The following TTN variants were observed in gnomAD, a reference collection of about 807,000 sequenced individuals.
TTN encodes the protein connectin.
Under a neutral mutation model 3,223.0 loss-of-function variants are expected in TTN, and 1,525 were observed. The observed-to-expected ratio is 0.47, with a 90% CI of 0.45 to 0.49. TTN has a LOEUF of 0.49. TTN is among the 20% of genes least tolerant of loss of function. The pLI, the probability that TTN is intolerant of heterozygous loss-of-function variation, is 0.00. For synonymous variants in TTN, 14,094 were observed against 15,161.0 expected (o/e 0.93, Z 5.17); for missense variants, 40,786 against 43,424.0 (o/e 0.94, Z 5.40).
chr2:178,700,448 C>T (rs1043315657), intron 111 of TTN, among the ~76,000 whole-genome samples: 4 of 152,122 alleles, frequency 2.6e-5, no homozygotes, highest in Non-Finnish European at 5.9e-5. Flanking sequence ...TTTTTTCTGA[C>T]CATGCTGGGA....
intron 2 of TTN, among the ~76,000 whole-genome samples, chr2:178,803,612 AATTTT>A (rs1053126034): frequency 8.5e-5 from 13 of 152,054 alleles, no homozygotes; most frequent in African/African-American, 3.1e-4. Context: ...GAAAAAAAGA[AATTTT>A]ATTTTATATC....
intron 15 of TTN, among the ~76,000 whole-genome samples, chr2:178,785,075 T>C (rs914367669): frequency 6.6e-6 from 1 of 152,218 alleles, no homozygotes; most frequent in Non-Finnish European, 1.5e-5. Context: ...TACTTTCTCC[T>C]GATGACAGAG....
Position 178,599,286 on chromosome 2 carries a change from G to A in TTN, c.56507C>T (p.Ser18836Phe). The change falls in exon 290 of 363, where the codon TCC becomes TTC. Residue 18836 changes from serine to phenylalanine, a missense_variant. By Grantham distance (155) the Ser-to-Phe change is radical. Coordinates refer to ENST00000589042, the MANE Select transcript of TTN (RefSeq NM_001267550.2). ...EANRKTWVHV[S>F]SEPKECTYTI... ...GTACGTGCACTCCTTAGGTTCACTGGAGACATGGACCCATGTCTTCCTGTT... is the reference window on the plus strand; with the variant it reads ...GTACGTGCACTCCTTAGGTTCACTGAAGACATGGACCCATGTCTTCCTGTT... 6.2e-7 allele frequency: 1 copy of A among 1,602,588 alleles called. No individual in the cohort carries two copies. The highest frequency in any genetic ancestry group is 8.5e-7 in the Non-Finnish European group (1 of 1,176,124).
chr2:178,688,607 A>C (rs1577440230), intron 126 of TTN, 70 bp downstream of exon 126: 1 of 1,039,624 alleles, frequency 9.6e-7, no homozygotes, highest in East Asian at 2.4e-5. Flanking sequence ...AAACAATCAC[A>C]TGTGGAAGAA....
chr2:178,626,051 T>C (rs1377570646), intron 240 of TTN, among the ~76,000 whole-genome samples: 1 of 151,892 alleles, frequency 6.6e-6, no homozygotes, highest in East Asian at 1.9e-4. Context: ...GCCCCTGGGC[T>C]TATATACATA....
At chr2:178,736,954 T>C (rs1008893220) in intron 49 of TTN, among the ~76,000 whole-genome samples, 1 of 152,080 alleles carries the variant, frequency 6.6e-6, no homozygotes, top group African/African-American at 2.4e-5. Flanking sequence ...CCCTTCCCCT[T>C]GATATTCTCA....
At chr2:178,686,651 G>C (rs900730646) in intron 127 of TTN, among the ~76,000 whole-genome samples, 1 of 152,012 alleles carries the variant, frequency 6.6e-6, no homozygotes, top group Non-Finnish European at 1.5e-5. Flanking sequence ...CTGTGCTCAA[G>C]CAATCCTCCC....
rs760403390 is a variant in TTN, at chr2:178,631,314, A to G, written c.43748-14T>C. The G allele has an allele frequency of 2.6e-5, 41 of 1,592,156 alleles. No homozygotes were observed. Among genetic ancestry groups the G allele is most frequent in the Non-Finnish European group, 3.3e-5 (39 of 1,173,370 alleles). On this transcript the variant is annotated splice_polypyrimidine_tract_variant and intron_variant, in intron 236 of 362. Transcript: ENST00000589042. ...ATGGGTCTCCCTCTGCAAGTAAAGT[A>G]TAAGTGAAAAGCTTTTATTAATCAC...
In TTN at chr2:178,608,395, A is replaced by T. The variant is rs1227243648; in HGVS notation, c.52488T>A (p.Asp17496Glu). Reference sequence around the variant, plus strand: ...AGTAACCCAAAATGGGGCTTCCATTATCTTTTGGTTCATTCCATTTCACTA... The same window carrying T: ...AGTAACCCAAAATGGGGCTTCCATTTTCTTTTGGTTCATTCCATTTCACTA... ...SMLVKWNEPKDNGSPILGYWL... is the reference protein window; with the variant it reads ...SMLVKWNEPKENGSPILGYWL... Residue 17496 changes from aspartate to glutamate, a missense_variant, in exon 275 of 363, where the codon GAT becomes GAA. Transcript: ENST00000589042. 1.9e-6 allele frequency: 3 copies of T among 1,610,604 alleles called. No individual in the cohort carries two copies. The highest frequency in any genetic ancestry group is 2.5e-6 in the Non-Finnish European group (3 of 1,178,326).
intron 143 of TTN, 109 bp downstream of exon 143, chr2:178,678,638 T>A: frequency 1.7e-6 from 2 of 1,165,388 alleles, no homozygotes; most frequent in Non-Finnish European, 2.4e-6. Context: ...ATAAAATATT[T>A]AATTTTCTCT....
chr2:178,612,026 G>A (rs768316337), intron 267 of TTN, 31 bp downstream of exon 267: 3 of 1,603,202 alleles, frequency 1.9e-6, no homozygotes, highest in Non-Finnish European at 8.5e-7. Context: ...CCAAGTGTAA[G>A]TTATTCTTTA....
At chr2:178,738,486 A>T in intron 48 of TTN, 126 bp from the exon 49 acceptor site, 1 of 1,157,832 alleles carries the variant, frequency 8.6e-7, no homozygotes, top group Non-Finnish European at 1.2e-6. Flanking sequence ...GGATTACAGC[A>T]GTTTAAGGCA....
chr2:178,550,889 T>C lies in TTN; in HGVS notation c.91564+78A>G. 5 of 1,383,342 alleles carry C rather than the reference T, an allele frequency of 3.6e-6. No individual in the cohort carries two copies. The South Asian group carries it at 5.3e-5, about 15-fold the overall frequency. 85.7% of individuals were successfully genotyped at this position (1,383,342 alleles called of 1,614,324 possible). A position where few individuals can be genotyped will look rare whatever the true frequency, so the allele number is the denominator to read the frequency against. Reference sequence around the variant, plus strand: ...GGGTAATTTGTTTCTGTTACCATTTTACAGGCCAGGGGCCAAATGTGTTTT... The same window carrying C: ...GGGTAATTTGTTTCTGTTACCATTTCACAGGCCAGGGGCCAAATGTGTTTT... On this transcript the variant is annotated intron_variant, in intron 336 of 362. Transcript: ENST00000589042.
intron 349 of TTN, 24 bp downstream of exon 349, chr2:178,542,240 T>A (rs1189763649): frequency 6.3e-7 from 1 of 1,579,096 alleles, no homozygotes; most frequent in Admixed American, 1.7e-5. Flanking sequence ...GTGGGGAGAG[T>A]GGTGGAAGGG....
rs553821887 is a variant in TTN, at chr2:178,539,514, G to A, written c.98551C>T (p.Arg32851Ter). 4.3e-6 allele frequency: 7 copies of A among 1,613,600 alleles called. No homozygotes were observed. The highest frequency in any genetic ancestry group is 1.1e-5 in the South Asian group (1 of 91,066). Residue 32851 changes from arginine (R) to a stop codon, truncating the protein, a stop_gained, in exon 352 of 363, where the codon CGA becomes TGA. Transcript: ENST00000589042. LOFTEE classifies it high-confidence loss of function. ...CCTTTTACCACCAGAGATGTACCTC[G>A]GACTCTGGAATCAATGGTATACCAG... Reference protein sequence around the residue: ...AAWYTIDSRVRGTSLVVKGLK... With the variant: ...AAWYTIDSRV
chr2:178,730,044 G>GCCAC, intron 62 of TTN, 49 bp downstream of exon 62: 1 of 1,532,012 alleles, frequency 6.5e-7, no homozygotes, highest in Non-Finnish European at 8.9e-7. Flanking sequence ...CCCACCCCAG[G>GCCAC]CAAGAAAATC....
At position 178,650,239 on chromosome 2, in the gene TTN, C is replaced by T; in HGVS notation, c.39742G>A (p.Glu13248Lys). 1 of 1,593,492 alleles carries T rather than the reference C, an allele frequency of 6.3e-7. No individual in the cohort carries two copies. Among genetic ancestry groups the T allele is most frequent in the Non-Finnish European group, 8.6e-7 (1 of 1,168,672 alleles). Residue 13248 changes from glutamate (E) to lysine (K), a missense_variant, in exon 210 of 363, where the codon GAG becomes AAG. By Grantham distance (56) the Glu-to-Lys change is moderately conservative (BLOSUM62 1). Coordinates refer to ENST00000589042, the MANE Select transcript of TTN (RefSeq NM_001267550.2). ...YEEPEEIAPE[E>K]EIAPEEEKPV... ...TTTTCCTCTTCAGGAGCAATTTCCT[C>T]TTCAGGAGCAATTTCCTCAGGTTCT... is the stretch of plus-strand genomic sequence containing the variant.
intron 37 of TTN, 58 bp downstream of exon 37, chr2:178,769,621 C>T: frequency 2.3e-6 from 3 of 1,330,956 alleles, no homozygotes; most frequent in Non-Finnish European, 2.0e-6. Context: ...AATGAATCTA[C>T]TGAATATTTG....
In TTN at chr2:178,590,359, C is replaced by T. The variant is rs756873840; in HGVS notation, c.61366G>A (p.Gly20456Ser). Residue 20456 changes from glycine (G) to serine (S), a missense_variant, in exon 304 of 363, where the codon GGT (glycine) becomes AGT (serine). Physicochemically the swap from Gly to Ser is moderately conservative, Grantham distance 56. Coordinates refer to ENST00000589042, the MANE Select transcript of TTN (RefSeq NM_001267550.2). The part of the protein sequence containing the change: ...RIKAANIVGE[G>S]EPRELAESVI... Reference sequence around the variant, plus strand: ...GATTCTGCTAGTTCTCTTGGCTCACCCTCTCCTACAATATTAGCTGCCTTT... The same window carrying T: ...GATTCTGCTAGTTCTCTTGGCTCACTCTCTCCTACAATATTAGCTGCCTTT... 2.2e-5 allele frequency: 34 copies of T among 1,576,656 alleles called. No individual in the cohort carries two copies. The highest frequency in any genetic ancestry group is 2.9e-5 in the Non-Finnish European group (34 of 1,162,314).
Sources: gnomAD v4.1 joint callset for allele counts (sites outside exome capture counted in the v4.1 genomes callset) on GRCh38, gnomAD v4.1.1 for gene constraint, MANE v1.5 for transcripts, NCBI Gene and HGNC (gene_info 2026-07-23, HGNC 2026-07-21) for gene names.